Variants in JMJD1C observed in about 807,000 individuals in gnomAD.
JMJD1C encodes jumonji domain containing 1C.
A neutral mutation model predicts 245.3 loss-of-function variants in JMJD1C; 31 were observed. The observed-to-expected ratio is 0.13, with a 90% CI of 0.09 to 0.17. The LOEUF (loss-of-function observed/expected upper bound fraction) is 0.17. JMJD1C is among the 10% of genes least tolerant of loss of function. The pLI is 1.00. For synonymous variants in JMJD1C, 1,057 were observed against 1,017.4 expected (o/e 1.04, Z -0.74); for missense variants, 2,691 against 3,000.2 (o/e 0.90, Z 2.41).
intron 1 of JMJD1C, among the ~76,000 whole-genome samples, chr10:63,444,078 TG>T (rs1474849031): frequency 5.9e-5 from 9 of 152,198 alleles, no homozygotes. Context: ...AATCAATACT[TG>T]ATATTTATAC....
intron 1 of JMJD1C, among the ~76,000 whole-genome samples, chr10:63,493,791 T>C (rs1331990048): frequency 6.6e-6 from 1 of 152,126 alleles, no homozygotes; most frequent in East Asian, 1.9e-4. Flanking sequence ...ACTTTACAAA[T>C]GGAGGGAATA....
intron 3 of JMJD1C, among the ~76,000 whole-genome samples, chr10:63,256,055 C>G (rs538717571): frequency 2.6e-5 from 4 of 152,262 alleles, no homozygotes; most frequent in Admixed American, 6.5e-5. Flanking sequence ...ACTTTAAATT[C>G]ATAGCAGCAG....
In JMJD1C at chr10:63,305,378, A is replaced by AAAAAC. The variant is rs1554880545; in HGVS notation, c.334-40615_334-40614insGTTTT. Among the ~76,000 whole-genome samples, 5 of 44,368 alleles carry AAAAAC rather than the reference A, an allele frequency of 1.1e-4. 1 individual carries two copies. In the East Asian group the frequency reaches 1.4e-3, roughly 12 times the overall value. 29.1% of individuals were successfully genotyped at this position (44,368 alleles called of 152,430 possible). A position where few individuals can be genotyped will look rare whatever the true frequency, so the allele number is the denominator to read the frequency against. ...CAAGACTCCACCTCAAAAAAAAAAC[A>AAAAAC]AAAAACAAAAAAGGTTGCAGTGAGC... is the stretch of plus-strand genomic sequence containing the variant. On this transcript the variant is annotated intron_variant, in intron 2 of 25. Transcript: ENST00000399262.
intron 1 of JMJD1C, among the ~76,000 whole-genome samples, chr10:63,420,071 A>T (rs1297167091): frequency 6.6e-6 from 1 of 151,268 alleles, no homozygotes; most frequent in African/African-American, 2.4e-5. Context: ...GGGAGGCAGA[A>T]GCTGCAGTGA....
chr10:63,466,033 G>A (rs1953249695), upstream of JMJD1C: 1 of 240,630 alleles, frequency 4.2e-6, no homozygotes, highest in Non-Finnish European at 8.0e-6. Flanking sequence ...TTCCGCCGGC[G>A]CGGGCGGGGC....
intron 11 of JMJD1C, 133 bp from the exon 12 acceptor site, chr10:63,198,860 G>A (rs1845724141): frequency 5.8e-6 from 3 of 519,622 alleles, no homozygotes; most frequent in Non-Finnish European, 3.3e-6. Flanking sequence ...AGGAAAACAG[G>A]TTAATTCTTC....
rs576927936 is a variant in JMJD1C at position 63,500,900 on chromosome 10, TA to T, written n.113+20837del. 3.8e-3 allele frequency among the ~76,000 whole-genome samples: 573 copies of T among 152,308 alleles called. 4 individuals carry two copies. The highest frequency in any genetic ancestry group is 0.013 in the African/African-American group (538 of 41,556). On this transcript the variant is annotated intron_variant and non_coding_transcript_variant, in intron 1 of 3. Coordinates refer to the JMJD1C transcript ENST00000633035. ...GTTTAACTATAGAAGGTAGCTTGGT[TA>T]AAAAACAAAAACAACATAAAACAGT... is the stretch of plus-strand genomic sequence containing the variant.
chr10:63,521,636 G>A, intron 1 of JMJD1C: 1 of 1,286,564 alleles, frequency 7.8e-7, no homozygotes, highest in Non-Finnish European at 1.0e-6. Context: ...CTGTGGGAAG[G>A]GGAAGGAGCC....
At chr10:63,312,960 T>C (rs1939427549) in intron 2 of JMJD1C, among the ~76,000 whole-genome samples, 2 of 152,230 alleles carry the variant, frequency 1.3e-5, no homozygotes, top group African/African-American at 4.8e-5. Context: ...ACTTTTTTTT[T>C]CCATAGGTTT....
chr10:63,499,626 T>A (rs1176810111), intron 1 of JMJD1C, among the ~76,000 whole-genome samples: 1 of 152,078 alleles, frequency 6.6e-6, no homozygotes. Context: ...CTGAAGGGTA[T>A]CCTTTCAGCC....
At position 63,367,547 on chromosome 10, in the gene JMJD1C, T is replaced by C. The variant is rs148139143; in HGVS notation, c.333+12771A>G. On this transcript the variant is annotated intron_variant, in intron 2 of 25. Transcript: ENST00000399262. ...AGGAGTGAGCTACTGTACCCGGCAA[T>C]TCACCCTAGTTTGAGGAAACTTTAA... 3.2e-4 allele frequency among the ~76,000 whole-genome samples: 49 copies of C among 152,166 alleles called. 1 individual carries two copies. The highest frequency in any genetic ancestry group is 1.1e-3 in the African/African-American group (47 of 41,542).
intron 1 of JMJD1C, among the ~76,000 whole-genome samples, chr10:63,488,070 C>T (rs1170860099): frequency 1.3e-5 from 2 of 152,080 alleles, no homozygotes; most frequent in Non-Finnish European, 2.9e-5. Flanking sequence ...CAAATTCACA[C>T]TTTCTGAACC....
At position 63,434,989 on chromosome 10, in the gene JMJD1C, G is replaced by C. The variant is rs147788019; in HGVS notation, c.168+30506C>G. ...CTCACAACACTTCCTCATACCAATAGCATATCTTTAGAACACCAATTAAAA... is the reference window on the plus strand; with the variant it reads ...CTCACAACACTTCCTCATACCAATACCATATCTTTAGAACACCAATTAAAA... On this transcript the variant is annotated intron_variant, in intron 1 of 25. Transcript: ENST00000399262. Among the ~76,000 whole-genome samples, 491 of 152,326 alleles carry C rather than the reference G, an allele frequency of 3.2e-3. 2 individuals are homozygous for C. The highest frequency in any genetic ancestry group is 0.011 in the African/African-American group (476 of 41,578).
At chr10:63,513,120 TA>T (rs1433671694) in intron 1 of JMJD1C, among the ~76,000 whole-genome samples, 3 of 152,170 alleles carry the variant, frequency 2.0e-5, no homozygotes, top group Admixed American at 2.0e-4. Context: ...GTTAATCCTA[TA>T]TTTTTTTTAA....
chr10:63,370,521 C>T (rs1946227114), intron 2 of JMJD1C, among the ~76,000 whole-genome samples: 1 of 152,190 alleles, frequency 6.6e-6, no homozygotes, highest in Non-Finnish European at 1.5e-5. Flanking sequence ...AAATATGCCA[C>T]AAAGTCTATG....
intron 1 of JMJD1C, among the ~76,000 whole-genome samples, chr10:63,464,299 T>C (rs1345012156): frequency 1.3e-5 from 2 of 152,146 alleles, no homozygotes; most frequent in Non-Finnish European, 2.9e-5. Context: ...ATTAACCATA[T>C]CATTGACTAC....
At chr10:63,194,514 TAATGA>T (rs1278922584) in intron 13 of JMJD1C, 139 bp from the exon 14 acceptor site, 7 of 556,822 alleles carry the variant, frequency 1.3e-5, no homozygotes, top group Non-Finnish European at 2.2e-5. Flanking sequence ...AAAATAAAAA[TAATGA>T]AATAAAATGT....
intron 2 of JMJD1C, among the ~76,000 whole-genome samples, chr10:63,304,659 T>TA (rs1937761626): frequency 1.3e-5 from 2 of 152,168 alleles, no homozygotes; most frequent in South Asian, 4.1e-4. Flanking sequence ...GTCTGTATAG[T>TA]AAAAACACTG....
chr10:63,521,107 C>T (rs931638213), intron 1 of JMJD1C, among the ~76,000 whole-genome samples: 2 of 30,870 alleles, frequency 6.5e-5, no homozygotes, highest in Non-Finnish European at 1.1e-4. Flanking sequence ...TCCTGCCCCA[C>T]TCTCGCCGCG....
Sources: gnomAD v4.1 joint callset for allele counts (sites outside exome capture counted in the v4.1 genomes callset) on GRCh38, gnomAD v4.1.1 for gene constraint, MANE v1.5 for transcripts, NCBI Gene and HGNC (gene_info 2026-07-23, HGNC 2026-07-21) for gene names.